The following GRIK3 variants were observed in gnomAD, a reference collection of about 807,000 sequenced individuals.
GRIK3 encodes the protein glutamate ionotropic receptor kainate type subunit 3, also known as glutamate receptor ionotropic, kainate 3.
A neutral mutation model predicts 102.5 loss-of-function variants in GRIK3; 29 were observed. The observed-to-expected ratio is 0.28, with a 90% CI of 0.21 to 0.39. GRIK3 has a LOEUF of 0.39. GRIK3 is among the 10% of genes least tolerant of loss of function. The pLI is 1.00. For synonymous variants in GRIK3, 511 were observed against 504.9 expected, an observed-to-expected ratio of 1.01 and a Z score of -0.16; for missense variants, 908 against 1,252.4, an observed-to-expected ratio of 0.73 and a Z score of 4.15.
intron 11 of GRIK3, among the ~76,000 whole-genome samples, chr1:36,824,308 G>A (rs1436889576): frequency 6.6e-6 from 1 of 152,206 alleles, no homozygotes; most frequent in African/African-American, 2.4e-5. Flanking sequence ...ATCATGCTGC[G>A]AGCTCTGGAG....
chr1:36,920,816 G>T (rs72917556), intron 1 of GRIK3, among the ~76,000 whole-genome samples: 1 of 152,228 alleles, frequency 6.6e-6, no homozygotes, highest in African/African-American at 2.4e-5. Flanking sequence ...ATGGTTGGGG[G>T]AGTGAGCTGA....
chr1:36,811,827 C>A lies in GRIK3; in HGVS notation c.2091+5233G>T, dbSNP rs151146169. On this transcript the variant is annotated intron_variant, in intron 13 of 15. Coordinates refer to ENST00000373091, the MANE Select transcript of GRIK3 (RefSeq NM_000831.4). ...ACTGTACATACAGGAGCTCACCGAA[C>A]CCTCTTGCTAATTGCTGCATGGTGA... Among the ~76,000 whole-genome samples the A allele has an allele frequency of 7.2e-5, 11 of 152,300 alleles. No homozygotes were observed. In the East Asian group the frequency reaches 1.9e-3, roughly 27 times the overall value.
chr1:36,833,612 G>A (rs1640337607), intron 10 of GRIK3, among the ~76,000 whole-genome samples: 1 of 152,258 alleles, frequency 6.6e-6, no homozygotes, highest in African/African-American at 2.4e-5. Context: ...TGCAGACAGA[G>A]GTTGGGGCCA....
At chr1:36,978,926 G>T (rs967900778) in intron 1 of GRIK3, among the ~76,000 whole-genome samples, 1 of 152,214 alleles carries the variant, frequency 6.6e-6, no homozygotes, top group Non-Finnish European at 1.5e-5. Context: ...TAGTCATGTT[G>T]TATAGATCAT....
intron 1 of GRIK3, among the ~76,000 whole-genome samples, chr1:37,021,507 A>G (rs1238270133): frequency 6.6e-6 from 1 of 151,538 alleles, no homozygotes; most frequent in Non-Finnish European, 1.5e-5. Flanking sequence ...TCTTTGCTCA[A>G]CTCTCCCCCA....
rs1311216655 is a variant in GRIK3, at chr1:36,806,412, G to A, written c.2092-86C>T. On this transcript the variant is annotated intron_variant, in intron 13 of 15. Transcript: ENST00000373091. The surrounding 1 kb of genome is among the most constrained non-coding windows in gnomAD (Gnocchi z 4.0). ...CCGCATACCCTGCACAACGTGGGTT[G>A]GGGCCTTGAACTCGGTCTACAATCT... The A allele has an allele frequency of 1.3e-5, 10 of 779,532 alleles. No homozygotes were observed. The highest frequency in any genetic ancestry group is 1.9e-5 in the Non-Finnish European group (9 of 473,678). The allele number at this position is 779,532 out of a possible 1,614,324, so 48.3% of individuals were successfully genotyped here.
chr1:36,882,896 G>A (rs1640998404), intron 2 of GRIK3, among the ~76,000 whole-genome samples: 1 of 152,206 alleles, frequency 6.6e-6, no homozygotes, highest in Admixed American at 6.5e-5. Flanking sequence ...CGCCATTTAG[G>A]TTTTAGTTTT....
intron 14 of GRIK3, 96 bp from the exon 15 acceptor site, chr1:36,805,333 C>T (rs1477655237): frequency 7.7e-7 from 1 of 1,305,512 alleles, no homozygotes; most frequent in South Asian, 1.4e-5. Context: ...ACCACTAGCC[C>T]TCTGGATCAG....
In GRIK3 at chr1:36,806,723, C is replaced by T. The variant is rs1465613557; in HGVS notation, c.2092-397G>A. Among the ~76,000 whole-genome samples the T allele has an allele frequency of 6.6e-6, 1 of 152,242 alleles. No homozygotes were observed. Among genetic ancestry groups the T allele is most frequent in the Non-Finnish European group, 1.5e-5 (1 of 68,044 alleles). On this transcript the variant is annotated intron_variant, in intron 13 of 15. Coordinates refer to ENST00000373091, the MANE Select transcript of GRIK3 (RefSeq NM_000831.4). The surrounding 1 kb of genome is among the most constrained non-coding windows in gnomAD (Gnocchi z 4.0). ...CGCTCACAGGAGGCAGGCACCATCA[C>T]AAGCCCCATTTTACAAATAAAAAGA...
At chr1:36,865,192 C>A (rs1304868755) in intron 5 of GRIK3, among the ~76,000 whole-genome samples, 2 of 152,116 alleles carry the variant, frequency 1.3e-5, no homozygotes, top group East Asian at 3.9e-4. Context: ...TTTTCACCTC[C>A]AGGCTTTTAC....
chr1:36,898,411 A>C (rs1279030127), intron 1 of GRIK3, among the ~76,000 whole-genome samples: 1 of 152,216 alleles, frequency 6.6e-6, no homozygotes, highest in African/African-American at 2.4e-5. Flanking sequence ...TTTAGAGAGA[A>C]GGAAAATAAT....
chr1:37,028,163 A>C (rs934514226), intron 1 of GRIK3, among the ~76,000 whole-genome samples: 9 of 152,206 alleles, frequency 5.9e-5, no homozygotes, highest in Admixed American at 2.6e-4. Context: ...TTCTCCAACC[A>C]CCTTCTCTTT....
At position 36,850,082 on chromosome 1, in the gene GRIK3, G is replaced by A. The variant is rs1338554699; in HGVS notation, c.1326+229C>T. The A allele has an allele frequency of 1.5e-5, 8 of 529,474 alleles. No homozygotes were observed. In the Admixed American group the frequency reaches 1.7e-4, roughly 11 times the overall value. The allele number at this position is 529,474 out of a possible 1,614,324, so 32.8% of individuals were successfully genotyped here. ...TTCCTACTCAGACATCAAGGACTTG[G>A]GGAGTGAGTGGGAGTGAGACACAAA... On this transcript the variant is annotated intron_variant, in intron 9 of 15. Coordinates refer to ENST00000373091, the MANE Select transcript of GRIK3 (RefSeq NM_000831.4). This position sits in a 1 kb window ranked among gnomAD's most constrained non-coding sequence, Gnocchi z 4.0.
intron 1 of GRIK3, among the ~76,000 whole-genome samples, chr1:36,979,570 C>T (rs961021976): frequency 6.6e-6 from 1 of 152,224 alleles, no homozygotes; most frequent in Non-Finnish European, 1.5e-5. Flanking sequence ...TCCTTAGACA[C>T]AGATGATTGG....
intron 1 of GRIK3, among the ~76,000 whole-genome samples, chr1:36,969,111 G>A (rs530392539): frequency 3.3e-5 from 5 of 152,120 alleles, no homozygotes; most frequent in East Asian, 3.9e-4. Context: ...AACCAAACCC[G>A]CATCCTCCAG....
At chr1:36,975,794 T>C (rs1642190355) in intron 1 of GRIK3, among the ~76,000 whole-genome samples, 1 of 152,218 alleles carries the variant, frequency 6.6e-6, no homozygotes, top group Non-Finnish European at 1.5e-5. Context: ...TGCAAATTCT[T>C]ATTTCCTTGT....
intron 10 of GRIK3, among the ~76,000 whole-genome samples, chr1:36,826,889 TTCCCA>T (rs1642760616): frequency 6.6e-6 from 1 of 152,088 alleles, no homozygotes; most frequent in African/African-American, 2.4e-5. Flanking sequence ...GATTCCCTCA[TTCCCA>T]TCCCATCTTT....
At chr1:36,827,554 G>T (rs1233281936) in intron 10 of GRIK3, among the ~76,000 whole-genome samples, 3 of 152,148 alleles carry the variant, frequency 2.0e-5, no homozygotes, top group Non-Finnish European at 4.4e-5. Flanking sequence ...AGACACCAGG[G>T]ATACAGAGCT....
intron 1 of GRIK3, among the ~76,000 whole-genome samples, chr1:36,897,765 A>T (rs1405168598): frequency 6.6e-6 from 1 of 152,220 alleles, no homozygotes; most frequent in Non-Finnish European, 1.5e-5. Context: ...TAGAGCTACC[A>T]TATGATCCAG....
Sources: gnomAD v4.1 joint callset for allele counts (sites outside exome capture counted in the v4.1 genomes callset) on GRCh38, gnomAD v4.1.1 for gene constraint, Gnocchi (gnomAD v3.1) non-coding constraint, MANE v1.5 for transcripts, NCBI Gene and HGNC (gene_info 2026-07-23, HGNC 2026-07-21) for gene names.